ZFHX4: variants seen among roughly 807,000 people sequenced by gnomAD.
ZFHX4 encodes zinc finger homeobox protein 4.
ZFHX4 carries 56 observed loss-of-function variants against 267.6 expected under a neutral mutation model. That is an observed-to-expected ratio of 0.21 (90% CI 0.17 to 0.26). The LOEUF (loss-of-function observed/expected upper bound fraction) is 0.26, where lower values mean the gene tolerates loss of function less well. Ranked by LOEUF, ZFHX4 falls within the 10% of genes least tolerant of loss-of-function variation. ZFHX4 has a pLI of 1.00. For synonymous variants in ZFHX4, 1,778 were observed against 1,665.6 expected (o/e 1.07, Z -1.64); for missense variants, 4,332 against 4,420.0 (o/e 0.98, Z 0.56).
At position 76,786,633 on chromosome 8, in the gene ZFHX4, A is replaced by G. The variant is rs1810699470; in HGVS notation, c.3325+8194A>G. Among the ~76,000 whole-genome samples the G allele has an allele frequency of 2.6e-5, 4 of 152,260 alleles. No homozygotes were observed. The South Asian group carries it at 8.3e-4, about 32-fold the overall frequency. On this transcript the variant is annotated intron_variant, in intron 4 of 10. Coordinates refer to ENST00000651372, the MANE Select transcript of ZFHX4 (RefSeq NM_024721.5). ...TATCTCCTGATAACCAACCCAAAAAATAAGAAATGTATAAAATAATATTCT... is the reference window on the plus strand; with the variant it reads ...TATCTCCTGATAACCAACCCAAAAAGTAAGAAATGTATAAAATAATATTCT...
intron 3 of ZFHX4, among the ~76,000 whole-genome samples, chr8:76,743,073 AT>A (rs1201647626): frequency 2.5e-4 from 38 of 152,194 alleles, no homozygotes; most frequent in African/African-American, 7.7e-4. Flanking sequence ...CGCCTTTTAC[AT>A]TTACCATTTA....
chr8:76,737,398 T>C (rs928475992), intron 3 of ZFHX4, among the ~76,000 whole-genome samples: 2 of 152,222 alleles, frequency 1.3e-5, no homozygotes, highest in Non-Finnish European at 2.9e-5. Context: ...CACTAATGAC[T>C]AAATAAACAA....
At chr8:76,729,808 A>G (rs1808950821) in intron 3 of ZFHX4, among the ~76,000 whole-genome samples, 1 of 152,236 alleles carries the variant, frequency 6.6e-6, no homozygotes, top group African/African-American at 2.4e-5. Context: ...CCAGGGTAAC[A>G]GGAATGCTTG....
At chr8:76,686,096 T>A (rs967751610) in intron 1 of ZFHX4, among the ~76,000 whole-genome samples, 25 of 152,192 alleles carry the variant, frequency 1.6e-4, no homozygotes, top group African/African-American at 6.0e-4. Flanking sequence ...TTGGTGGTGT[T>A]TTATGGTCTT....
chr8:76,799,047 T>C (rs1012370713), intron 4 of ZFHX4, among the ~76,000 whole-genome samples: 5 of 152,214 alleles, frequency 3.3e-5, no homozygotes, highest in South Asian at 4.1e-4. Context: ...TTTCTTCTTA[T>C]GTATTGATGT....
intron 3 of ZFHX4, among the ~76,000 whole-genome samples, chr8:76,777,376 A>T (rs1305249807): frequency 1.3e-5 from 2 of 152,060 alleles, no homozygotes; most frequent in Non-Finnish European, 2.9e-5. Context: ...ATTTTTTTTT[A>T]GCAAAAATTT....
rs531324449 is a variant in ZFHX4, at chr8:76,687,722, G to C, written c.-47+6102G>C. Among the ~76,000 whole-genome samples the C allele has an allele frequency of 3.9e-5, 6 of 152,236 alleles. No homozygotes were observed. In the South Asian group the frequency reaches 1.2e-3, roughly 32 times the overall value. ...TTCCTAAAGCAAAAAGATAGGAAAA[G>C]AAAAGAGATTCTGTTATTGGAATAT... On this transcript the variant is annotated intron_variant, in intron 1 of 10. Coordinates refer to ENST00000651372, the MANE Select transcript of ZFHX4 (RefSeq NM_024721.5).
rs1407017649 is a variant in ZFHX4, at chr8:76,852,301, C to A, written c.5380C>A (p.Gln1794Lys). ...ACATCACGTTGGTCAAACTCAACTC[C>A]AGATACTACAGCAACAAGCACAACA... ...TQHHVGQTQLQILQQQAQQYQ... is the reference protein window; with the variant it reads ...TQHHVGQTQLKILQQQAQQYQ... The change falls in exon 10 of 11, where the codon CAG (glutamine) becomes AAG (lysine). Residue 1794 changes from glutamine to lysine, a missense_variant. Gln to Lys is a moderately conservative substitution (Grantham distance 53, BLOSUM62 1). This residue lies in a region of ZFHX4 where 1,371 missense variants were observed against 1,423.1 expected (regional missense o/e 0.96). Coordinates refer to ENST00000651372, the MANE Select transcript of ZFHX4 (RefSeq NM_024721.5). 3 of 1,559,460 alleles carry A rather than the reference C, an allele frequency of 1.9e-6. No homozygotes were observed. Among genetic ancestry groups the A allele is most frequent in the Non-Finnish European group, 1.7e-6 (2 of 1,151,038 alleles).
intron 3 of ZFHX4, among the ~76,000 whole-genome samples, chr8:76,764,919 T>C (rs1345324173): frequency 6.6e-6 from 1 of 152,184 alleles, no homozygotes; most frequent in African/African-American, 2.4e-5. Flanking sequence ...TTAACAACTC[T>C]GTTAACACCT....
At chr8:76,790,050 T>C (rs1226011225) in intron 4 of ZFHX4, among the ~76,000 whole-genome samples, 1 of 152,142 alleles carries the variant, frequency 6.6e-6, no homozygotes, top group East Asian at 1.9e-4. Context: ...AGTTGTCCTA[T>C]TGATGCTTAT....
chr8:76,828,951 T>C (rs555877002), intron 4 of ZFHX4, among the ~76,000 whole-genome samples: 4 of 152,336 alleles, frequency 2.6e-5, no homozygotes, highest in South Asian at 2.1e-4. Flanking sequence ...CTATACTTTA[T>C]TGTTTAATGC....
At chr8:76,788,122 T>C (rs1464869210) in intron 4 of ZFHX4, among the ~76,000 whole-genome samples, 1 of 152,192 alleles carries the variant, frequency 6.6e-6, no homozygotes, top group African/African-American at 2.4e-5. Context: ...TGGAATCTTA[T>C]GAAGGGAAGA....
chr8:76,682,778 A>G (rs1334918916), intron 1 of ZFHX4: 1 of 152,180 alleles, frequency 6.6e-6, no homozygotes, highest in African/African-American at 2.4e-5. Context: ...CCTACAAATG[A>G]ACTTCACCTC....
At chr8:76,812,807 A>T (rs1251787483) in intron 4 of ZFHX4, among the ~76,000 whole-genome samples, 1 of 152,176 alleles carries the variant, frequency 6.6e-6, no homozygotes, top group Non-Finnish European at 1.5e-5. Flanking sequence ...TGTCTAACAT[A>T]TTATGTAATT....
At position 76,705,350 on chromosome 8, in the gene ZFHX4, C is replaced by A. The variant is rs1001873015; in HGVS notation, c.1262C>A (p.Thr421Asn). ...AGTTTAGTAGTGAACACCCCAATTACCTCTGTCTCCCTCAGCCACTCATCG... is the reference window on the plus strand; with the variant it reads ...AGTTTAGTAGTGAACACCCCAATTAACTCTGTCTCCCTCAGCCACTCATCG... ...LSSLVVNTPI[T>N]SVSLSHSSSE... is the part of the protein sequence containing the mutation. Residue 421 changes from threonine (T) to asparagine (N), a missense_variant, in exon 2 of 11, where the codon ACC becomes AAC. Transcript: ENST00000651372. The A allele has an allele frequency of 1.2e-6, 2 of 1,613,810 alleles. No individual in the cohort carries two copies. Among genetic ancestry groups the A allele is most frequent in the Admixed American group, 3.3e-5 (2 of 59,996 alleles).
At chr8:76,847,191 C>T (rs1041016488) in intron 6 of ZFHX4, among the ~76,000 whole-genome samples, 8 of 152,174 alleles carry the variant, frequency 5.3e-5, no homozygotes, top group African/African-American at 1.7e-4. Flanking sequence ...TGTTTTTTAA[C>T]ACTTCTAAAA....
intron 5 of ZFHX4, among the ~76,000 whole-genome samples, chr8:76,835,241 G>GTATATATATATATGTA (rs1812051460): frequency 2.8e-4 from 12 of 42,622 alleles, no homozygotes; most frequent in East Asian, 7.5e-4. Context: ...ATATATATAT[G>GTATATATATATATGTA]TATATATATA....
chr8:76,837,946 T>C (rs1812135500), intron 5 of ZFHX4, among the ~76,000 whole-genome samples: 1 of 152,180 alleles, frequency 6.6e-6, no homozygotes, highest in South Asian at 2.1e-4. Context: ...TTAATATTTA[T>C]TTTTACTAAG....
chr8:76,846,776 G>T (rs1039029957), intron 6 of ZFHX4, among the ~76,000 whole-genome samples: 1 of 151,982 alleles, frequency 6.6e-6, no homozygotes, highest in Admixed American at 6.6e-5. Flanking sequence ...TATGCTTATG[G>T]AAATGAGTCC....
Sources: allele counts gnomAD v4.1 joint callset (sites outside exome capture counted in the v4.1 genomes callset), GRCh38; gene constraint gnomAD v4.1.1; regional missense constraint gnomAD v4.1.1; transcripts MANE v1.5; gene names NCBI Gene and HGNC (gene_info 2026-07-23, HGNC 2026-07-21).